The following JAZF1 variants were observed in gnomAD, a reference collection of about 807,000 sequenced individuals.
The protein encoded by JAZF1 is JAZF zinc finger 1, also known as juxtaposed with another zinc finger protein 1.
JAZF1 carries 8 observed loss-of-function variants against 26.4 expected under a neutral mutation model. The observed-to-expected ratio is 0.30, with a 90% CI of 0.18 to 0.55. The LOEUF (loss-of-function observed/expected upper bound fraction) is 0.55. JAZF1 is among the 20% of genes least tolerant of loss of function. The pLI is 0.94. For synonymous variants in JAZF1, 126 were observed against 122.3 expected (o/e 1.03, Z -0.20); for missense variants, 199 against 322.0 (o/e 0.62, Z 2.92).
chr7:27,957,202 GAC>G (rs1785111228), intron 2 of JAZF1, among the ~76,000 whole-genome samples: 1 of 152,172 alleles, frequency 6.6e-6, no homozygotes, highest in African/African-American at 2.4e-5. Flanking sequence ...ACAGCAGCCA[GAC>G]CCTGACATCA....
At chr7:28,140,086 T>C (rs1442077385) in intron 1 of JAZF1, among the ~76,000 whole-genome samples, 5 of 147,376 alleles carry the variant, frequency 3.4e-5, no homozygotes, top group African/African-American at 1.2e-4. Flanking sequence ...CACAAATCTT[T>C]TTTTTTTTTT....
At chr7:27,896,284 G>A (rs62451113) in intron 2 of JAZF1, among the ~76,000 whole-genome samples, 5 of 151,914 alleles carry the variant, frequency 3.3e-5, no homozygotes, top group African/African-American at 7.3e-5. Context: ...GTAAATTCCT[G>A]TAATATGAGA....
chr7:28,128,252 A>G (rs1252298326), intron 1 of JAZF1, among the ~76,000 whole-genome samples: 1 of 152,172 alleles, frequency 6.6e-6, no homozygotes, highest in African/African-American at 2.4e-5. Flanking sequence ...GACTGGGCGC[A>G]GTGCTTCATG....
At chr7:28,118,696 T>C (rs1277516546) in intron 1 of JAZF1, among the ~76,000 whole-genome samples, 1 of 152,048 alleles carries the variant, frequency 6.6e-6, no homozygotes, top group African/African-American at 2.4e-5. Context: ...ATCCATAATG[T>C]ACACATTACT....
intron 1 of JAZF1, among the ~76,000 whole-genome samples, chr7:28,137,976 G>A (rs967022257): frequency 3.3e-5 from 5 of 152,178 alleles, no homozygotes; most frequent in African/African-American, 1.2e-4. Context: ...AAGTCACACA[G>A]TAGGTAAGTA....
chr7:27,960,417 C>T (rs547143948), intron 2 of JAZF1, among the ~76,000 whole-genome samples: 14 of 152,344 alleles, frequency 9.2e-5, no homozygotes, highest in African/African-American at 3.4e-4. Context: ...GTAACCCATG[C>T]CAAATGAACC....
chr7:28,124,772 T>C (rs1033978600), intron 1 of JAZF1, among the ~76,000 whole-genome samples: 3 of 152,178 alleles, frequency 2.0e-5, no homozygotes, highest in African/African-American at 7.2e-5. Flanking sequence ...GTGGAACAGA[T>C]GTGAATAGGA....
rs1411822644 is a variant in JAZF1, at chr7:27,987,889, C to T, written c.188+4020G>A. 3.9e-5 allele frequency among the ~76,000 whole-genome samples: 6 copies of T among 152,110 alleles called. No individual in the cohort carries two copies. In the East Asian group the frequency reaches 1.2e-3, roughly 29 times the overall value. ...GATGCTGTTAATCTATAACCTTACC[C>T]CCAACCCCATGCTCTCTGAAACACG... On this transcript the variant is annotated intron_variant, in intron 2 of 4. Coordinates refer to ENST00000283928, the MANE Select transcript of JAZF1 (RefSeq NM_175061.4).
chr7:27,896,557 C>T (rs1784066661), intron 2 of JAZF1, among the ~76,000 whole-genome samples: 1 of 152,212 alleles, frequency 6.6e-6, no homozygotes, highest in African/African-American at 2.4e-5. Context: ...TTATCATAAG[C>T]TCACTGCATT....
intron 1 of JAZF1, among the ~76,000 whole-genome samples, chr7:28,002,336 A>G (rs969796429): frequency 2.7e-4 from 41 of 152,206 alleles, no homozygotes; most frequent in African/African-American, 9.9e-4. Context: ...GGGGGGAAAA[A>G]AGAATAGAAT....
chr7:28,020,626 A>T (rs1290414650), intron 1 of JAZF1: 12 of 471,290 alleles, frequency 2.5e-5, no homozygotes, highest in South Asian at 1.9e-4. Flanking sequence ...TTTCAAAAGC[A>T]TCAAACGTTT....
At chr7:28,108,917 G>A (rs776439681) in intron 1 of JAZF1, among the ~76,000 whole-genome samples, 4 of 152,144 alleles carry the variant, frequency 2.6e-5, no homozygotes, top group African/African-American at 4.8e-5. Flanking sequence ...TGAACCTTGA[G>A]GGCATTATTC....
intron 3 of JAZF1, among the ~76,000 whole-genome samples, chr7:27,885,645 ACTT>A (rs1783847634): frequency 6.6e-6 from 1 of 152,112 alleles, no homozygotes; most frequent in South Asian, 2.1e-4. Context: ...TAAAGCACAC[ACTT>A]CTTTAGTGTT....
chr7:27,899,017 G>C (rs1376398495), intron 2 of JAZF1, among the ~76,000 whole-genome samples: 2 of 152,070 alleles, frequency 1.3e-5, no homozygotes, highest in Non-Finnish European at 2.9e-5. Context: ...TGGGAACCCT[G>C]GTTAAAAAGG....
chr7:27,942,674 C>G (rs1266091005), intron 2 of JAZF1, among the ~76,000 whole-genome samples: 1 of 152,194 alleles, frequency 6.6e-6, no homozygotes, highest in Non-Finnish European at 1.5e-5. Flanking sequence ...CTTCTCAAAA[C>G]AGAGGGGACA....
chr7:27,957,562 T>A (rs1785119427), intron 2 of JAZF1, among the ~76,000 whole-genome samples: 1 of 152,204 alleles, frequency 6.6e-6, no homozygotes, highest in African/African-American at 2.4e-5. Flanking sequence ...GCACTTTGGT[T>A]ACCCTGGACT....
chr7:28,162,180 T>C (rs1783303032), intron 1 of JAZF1, among the ~76,000 whole-genome samples: 1 of 152,246 alleles, frequency 6.6e-6, no homozygotes, highest in Admixed American at 6.5e-5. Context: ...CAGGCCTTCC[T>C]TTCCTCTACA....
At chr7:27,976,868 G>A (rs1785483574) in intron 2 of JAZF1, among the ~76,000 whole-genome samples, 1 of 152,168 alleles carries the variant, frequency 6.6e-6, no homozygotes, top group Non-Finnish European at 1.5e-5. Flanking sequence ...CACCAAGAGT[G>A]AGAGTTTGGG....
In JAZF1 at chr7:28,092,096, C is replaced by T. The variant is rs888466038; in HGVS notation, c.115+88367G>A. On this transcript the variant is annotated intron_variant, in intron 1 of 4. Coordinates refer to ENST00000283928, the MANE Select transcript of JAZF1 (RefSeq NM_175061.4). ...CATTGAGGGTATATTTGGGTTATTA[C>T]ATATGACTTCACATATATATGTAAA... Among the ~76,000 whole-genome samples, 11 of 151,888 alleles carry T rather than the reference C, an allele frequency of 7.2e-5. No homozygotes were observed. The East Asian group carries it at 1.7e-3, about 24-fold the overall frequency.
Sources: allele counts gnomAD v4.1 joint callset (sites outside exome capture counted in the v4.1 genomes callset), GRCh38; gene constraint gnomAD v4.1.1; transcripts MANE v1.5; gene names NCBI Gene and HGNC (gene_info 2026-07-23, HGNC 2026-07-21).